The following ZNRF2 variants were observed in gnomAD, a reference collection of about 807,000 sequenced individuals.
The protein encoded by ZNRF2 is E3 ubiquitin-protein ligase ZNRF2.
ZNRF2 carries 16 observed loss-of-function variants against 20.4 expected under a neutral mutation model. That is an observed-to-expected ratio of 0.79 (90% CI 0.53 to 1.19). ZNRF2 has a LOEUF of 1.19. ZNRF2 is among the 50% of genes most tolerant of loss of function. ZNRF2 has a pLI of 0.00. For missense variants in ZNRF2, 363 were observed against 332.4 expected, an observed-to-expected ratio of 1.09 and a Z score of -0.72; for synonymous variants, 178 against 144.9, an observed-to-expected ratio of 1.23 and a Z score of -1.64.
chr7:30,362,774 G>T (rs1252427313), intron 4 of ZNRF2, among the ~76,000 whole-genome samples: 1 of 152,020 alleles, frequency 6.6e-6, no homozygotes. Flanking sequence ...AATTAGCCAG[G>T]CTTGGTGGTG....
chr7:30,314,752 C>G (rs927672650), intron 1 of ZNRF2, among the ~76,000 whole-genome samples: 1 of 151,408 alleles, frequency 6.6e-6, no homozygotes, highest in African/African-American at 2.4e-5. Context: ...AGTACTTTAT[C>G]GCTCTGGGTT....
chr7:30,295,050 A>AGAGAGAGTGTGTGTGT (rs1412764480), intron 1 of ZNRF2, among the ~76,000 whole-genome samples: 2 of 38,282 alleles, frequency 5.2e-5, no homozygotes, highest in Non-Finnish European at 4.8e-5. Flanking sequence ...AGAGAGAGAG[A>AGAGAGAGTGTGTGTGT]GTGTGTGTGT....
intron 1 of ZNRF2, among the ~76,000 whole-genome samples, chr7:30,307,446 A>C (rs909366267): frequency 1.3e-5 from 2 of 149,908 alleles, no homozygotes; most frequent in South Asian, 4.2e-4. Flanking sequence ...AATCCTCCCA[A>C]ATTTTGCCAG....
chr7:30,315,804 T>G (rs1463614143), intron 1 of ZNRF2, among the ~76,000 whole-genome samples: 1 of 150,728 alleles, frequency 6.6e-6, no homozygotes, highest in Non-Finnish European at 1.5e-5. Flanking sequence ...AATGAGTCAT[T>G]ACAGCATACT....
chr7:30,301,598 G>A (rs1799115169), intron 1 of ZNRF2, among the ~76,000 whole-genome samples: 1 of 151,614 alleles, frequency 6.6e-6, no homozygotes, highest in African/African-American at 2.4e-5. Context: ...GAGGCACTGG[G>A]CATGGTACTC....
chr7:30,344,647 T>C (rs1338702607), intron 2 of ZNRF2, among the ~76,000 whole-genome samples: 1 of 152,216 alleles, frequency 6.6e-6, no homozygotes, highest in Non-Finnish European at 1.5e-5. Context: ...CCCACTTTTG[T>C]TTTAATCTTA....
intron 2 of ZNRF2, among the ~76,000 whole-genome samples, chr7:30,324,583 A>C (rs942928141): frequency 1.3e-5 from 2 of 151,700 alleles, no homozygotes; most frequent in Non-Finnish European, 2.9e-5. Context: ...AAACAAACAA[A>C]CAAAAAAACA....
chr7:30,313,025 A>T (rs1326244461), intron 1 of ZNRF2, among the ~76,000 whole-genome samples: 1 of 152,226 alleles, frequency 6.6e-6, no homozygotes, highest in East Asian at 1.9e-4. Context: ...CAGAACCTAA[A>T]ACGAAACACT....
chr7:30,306,029 C>G (rs753531144), intron 1 of ZNRF2, among the ~76,000 whole-genome samples: 2 of 152,118 alleles, frequency 1.3e-5, no homozygotes, highest in Non-Finnish European at 2.9e-5. Context: ...CATCTAAACT[C>G]TCTAAGCCGC....
chr7:30,295,013 A>AGG (rs1491223700), intron 1 of ZNRF2, among the ~76,000 whole-genome samples: 347 of 17,472 alleles, frequency 0.02, 7 homozygotes, highest in African/African-American at 0.049. Flanking sequence ...GAGGGAGGGA[A>AGG]GGAGAGAGAG....
intron 1 of ZNRF2, among the ~76,000 whole-genome samples, chr7:30,322,635 A>G (rs1799489555): frequency 6.7e-6 from 1 of 149,806 alleles, no homozygotes; most frequent in Admixed American, 6.6e-5. Flanking sequence ...GCTGGCCAAT[A>G]TAGTCTCTCA....
chr7:30,331,614 G>A (rs1799636381), intron 2 of ZNRF2, among the ~76,000 whole-genome samples: 1 of 152,156 alleles, frequency 6.6e-6, no homozygotes, highest in Non-Finnish European at 1.5e-5. Flanking sequence ...CAGAAAAAGA[G>A]ATGGAATTGT....
At position 30,302,209 on chromosome 7, in the gene ZNRF2, T is replaced by G. The variant is rs148638082; in HGVS notation, c.469+16383T>G. On this transcript the variant is annotated intron_variant, in intron 1 of 4. Transcript: ENST00000323037. ...AGAGAAAAGTGCTCCTCATTCTATA[T>G]GTGAATATATGATAGTGGTCTGTAA... Among the ~76,000 whole-genome samples, 12 of 152,330 alleles carry G rather than the reference T, an allele frequency of 7.9e-5. No homozygotes were observed. The East Asian group carries it at 2.3e-3, about 29-fold the overall frequency.
chr7:30,342,006 G>A (rs1010487811), intron 2 of ZNRF2, among the ~76,000 whole-genome samples: 1 of 148,094 alleles, frequency 6.8e-6, no homozygotes, highest in Admixed American at 6.7e-5. Flanking sequence ...ATCTTTGTTG[G>A]TTTAAAGTCT....
In ZNRF2 at chr7:30,285,339, G is replaced by C; in HGVS notation, c.-19G>C. The C allele has an allele frequency of 1.3e-5, 14 of 1,109,890 alleles. No individual in the cohort carries two copies. Among genetic ancestry groups the C allele is most frequent in the South Asian group, 3.2e-5 (1 of 31,348 alleles). 68.8% of individuals were successfully genotyped at this position (1,109,890 alleles called of 1,614,324 possible). A position where few individuals can be genotyped will look rare whatever the true frequency, so the allele number is the denominator to read the frequency against. On this transcript the variant is annotated 5_prime_UTR_variant, in exon 1 of 5. Transcript: ENST00000323037. ...CTCTCGGGGCGCAGCGCGCGGGCCCGGCCCGGGGCAGGGCGGACATGGGCG... is the reference window on the plus strand; with the variant it reads ...CTCTCGGGGCGCAGCGCGCGGGCCCCGCCCGGGGCAGGGCGGACATGGGCG...
At chr7:30,361,513 G>A (rs1396060039) in intron 3 of ZNRF2, among the ~76,000 whole-genome samples, 1 of 152,234 alleles carries the variant, frequency 6.6e-6, no homozygotes, top group African/African-American at 2.4e-5. Context: ...TGAACAGGTT[G>A]AATCCTGCTT....
intron 1 of ZNRF2, among the ~76,000 whole-genome samples, chr7:30,299,111 A>G (rs1049709679): frequency 2.6e-5 from 4 of 151,978 alleles, no homozygotes; most frequent in African/African-American, 9.7e-5. Context: ...TGCAGAAGAA[A>G]TAATAATTCA....
At position 30,285,548 on chromosome 7, in the gene ZNRF2, G is replaced by C. The variant is rs536666116; in HGVS notation, c.191G>C (p.Gly64Ala). The stretch of plus-strand genomic sequence containing the variant: ...GCGCACCAGCCCAGCGCCTCCGGCG[G>C]CGCCGCGGCGGCCGCGGCGGCCCCG... ...PSAHQPSASG[G>A]AAAAAAAPAA... The change falls in exon 1 of 5, where the codon GGC becomes GCC. Residue 64 changes from glycine to alanine, a missense_variant. Gly to Ala is a moderately conservative substitution (Grantham distance 60, BLOSUM62 0). This residue lies in a region of ZNRF2 where 302 missense variants were observed against 231.5 expected (regional missense o/e 1.30). Transcript: ENST00000323037. 0.017 allele frequency: 16,219 copies of C among 976,598 alleles called. 142 individuals are homozygous for C. The highest frequency in any genetic ancestry group is 0.039 in the South Asian group (860 of 21,814). The allele number at this position is 976,598 out of a possible 1,614,324, so 60.5% of individuals were successfully genotyped here. A position where few individuals can be genotyped will look rare whatever the true frequency, so the allele number is the denominator to read the frequency against.
chr7:30,325,221 A>T (rs937155528), intron 2 of ZNRF2, among the ~76,000 whole-genome samples: 3 of 152,242 alleles, frequency 2.0e-5, no homozygotes, highest in Non-Finnish European at 4.4e-5. Flanking sequence ...ATAAAGAAAC[A>T]GACTTCAAAA....
Sources: allele counts gnomAD v4.1 joint callset (sites outside exome capture counted in the v4.1 genomes callset), GRCh38; gene constraint gnomAD v4.1.1; regional missense constraint gnomAD v4.1.1; transcripts MANE v1.5; gene names NCBI Gene and HGNC (gene_info 2026-07-23, HGNC 2026-07-21).